PTCHD4: variants seen among roughly 807,000 people sequenced by gnomAD.
PTCHD4 encodes patched domain-containing protein 4.
PTCHD4 carries 33 observed loss-of-function variants against 58.1 expected under a neutral mutation model. The ratio of observed to expected loss-of-function variants is 0.57; its 90% CI spans 0.43 to 0.76. The LOEUF (loss-of-function observed/expected upper bound fraction) is 0.76, where lower values mean the gene tolerates loss of function less well. Among genes scored for constraint, PTCHD4 ranks in the 30% least tolerant of loss-of-function variants. PTCHD4 has a pLI of 0.00. For synonymous variants in PTCHD4, 478 were observed against 409.6 expected (o/e 1.17, Z -2.02); for missense variants, 1,058 against 1,027.1 (o/e 1.03, Z -0.41).
At chr6:47,930,934 C>G (rs1765796266) in intron 4 of PTCHD4, among the ~76,000 whole-genome samples, 1 of 152,204 alleles carries the variant, frequency 6.6e-6, no homozygotes, top group African/African-American at 2.4e-5. Flanking sequence ...GCTGGGATTA[C>G]AGGCATCTGC....
chr6:48,061,566 G>C (rs1331960238), intron 3 of PTCHD4, among the ~76,000 whole-genome samples: 1 of 152,134 alleles, frequency 6.6e-6, no homozygotes, highest in Non-Finnish European at 1.5e-5. Flanking sequence ...AATCATCTGG[G>C]GAGCTTGTTG....
intron 4 of PTCHD4, among the ~76,000 whole-genome samples, chr6:47,978,566 T>C (rs543824996): frequency 6.6e-6 from 1 of 152,332 alleles, no homozygotes; most frequent in Admixed American, 6.5e-5. Context: ...AGTTATACGT[T>C]TCTAATTATG....
At chr6:48,057,207 T>A (rs1374554437) in intron 3 of PTCHD4, among the ~76,000 whole-genome samples, 1 of 151,962 alleles carries the variant, frequency 6.6e-6, no homozygotes, top group Non-Finnish European at 1.5e-5. Context: ...TTGTTTTTTT[T>A]TTCTGAGCCC....
intron 4 of PTCHD4, among the ~76,000 whole-genome samples, chr6:47,983,459 A>C (rs757779555): frequency 1.3e-5 from 2 of 152,178 alleles, no homozygotes; most frequent in Non-Finnish European, 2.9e-5. Context: ...TTTTAAAGGC[A>C]TGACATTAAA....
chr6:48,061,475 C>T (rs1285178972), intron 3 of PTCHD4, among the ~76,000 whole-genome samples: 1 of 152,126 alleles, frequency 6.6e-6, no homozygotes, highest in Non-Finnish European at 1.5e-5. Flanking sequence ...TATGAGTCTT[C>T]CAAATCACAT....
At chr6:48,018,233 G>A (rs1762933087) in intron 3 of PTCHD4, among the ~76,000 whole-genome samples, 1 of 152,178 alleles carries the variant, frequency 6.6e-6, no homozygotes, top group Non-Finnish European at 1.5e-5. Flanking sequence ...ACCGCCGGGT[G>A]ACAGAAGACA....
rs1444441884 is a variant in PTCHD4, at chr6:47,875,316, G to T, written c.*2987C>A. Reference sequence around the variant, plus strand: ...GAGGTGCATACAAGCTACCAAAAAAGGTTGGGATTGGGGGTGACCTGCAAG... The same window carrying T: ...GAGGTGCATACAAGCTACCAAAAAATGTTGGGATTGGGGGTGACCTGCAAG... On this transcript the variant is annotated 3_prime_UTR_variant, in exon 5 of 5. Transcript: ENST00000339488. Among the ~76,000 whole-genome samples the T allele has an allele frequency of 6.6e-6, 1 of 151,722 alleles. No homozygotes were observed. Among genetic ancestry groups the T allele is most frequent in the Non-Finnish European group, 1.5e-5 (1 of 67,848 alleles).
At chr6:47,910,225 A>G (rs1225724820) in intron 4 of PTCHD4, among the ~76,000 whole-genome samples, 1 of 152,098 alleles carries the variant, frequency 6.6e-6, no homozygotes, top group Admixed American at 6.5e-5. Context: ...TTATGATATG[A>G]TGGATCAGCA....
At chr6:48,097,755 A>G (rs1765504944) in intron 1 of PTCHD4, among the ~76,000 whole-genome samples, 1 of 152,246 alleles carries the variant, frequency 6.6e-6, no homozygotes, top group Admixed American at 6.5e-5. Flanking sequence ...AGAGAGATAT[A>G]GTACAGTTTA....
intron 4 of PTCHD4, among the ~76,000 whole-genome samples, chr6:47,896,253 A>T (rs1388175836): frequency 1.3e-5 from 2 of 152,218 alleles, no homozygotes; most frequent in Non-Finnish European, 2.9e-5. Flanking sequence ...TCTGTGACAA[A>T]TGTGGTCCAG....
At chr6:47,919,911 G>A (rs1712187513) in intron 4 of PTCHD4, among the ~76,000 whole-genome samples, 1 of 152,076 alleles carries the variant, frequency 6.6e-6, no homozygotes, top group African/African-American at 2.4e-5. Flanking sequence ...TCTGGCCAGT[G>A]GAATGTGGGT....
At chr6:47,987,193 G>A (rs1273030520) in intron 4 of PTCHD4, among the ~76,000 whole-genome samples, 3 of 142,468 alleles carry the variant, frequency 2.1e-5, no homozygotes, top group Non-Finnish European at 4.5e-5. Flanking sequence ...ACATACACAT[G>A]CATATTTGAA....
At position 48,069,188 on chromosome 6, in the gene PTCHD4, G is replaced by T. The variant is rs1205303713; in HGVS notation, c.-231C>A. ...AGAGGAGGGAGAAGGGCGGGAGCACGTTGGGGGTGGGGGGGCAGATAAGCT... is the reference window on the plus strand; with the variant it reads ...AGAGGAGGGAGAAGGGCGGGAGCACTTTGGGGGTGGGGGGGCAGATAAGCT... On this transcript the variant is annotated 5_prime_UTR_variant, in exon 2 of 5. Coordinates refer to ENST00000339488, the MANE Select transcript of PTCHD4 (RefSeq NM_001384253.1). 9.8e-6 allele frequency among the ~76,000 whole-genome samples: 1 copy of T among 101,622 alleles called. No homozygotes were observed. Among genetic ancestry groups the T allele is most frequent in the Non-Finnish European group, 2.0e-5 (1 of 50,402 alleles). 66.7% of individuals were successfully genotyped at this position (101,622 alleles called of 152,430 possible).
intron 4 of PTCHD4, among the ~76,000 whole-genome samples, chr6:47,974,914 T>G (rs916069617): frequency 6.6e-6 from 1 of 152,214 alleles, no homozygotes; most frequent in Non-Finnish European, 1.5e-5. Flanking sequence ...TATAGCAGCA[T>G]CATCATCATT....
intron 3 of PTCHD4, among the ~76,000 whole-genome samples, chr6:48,030,153 T>C (rs537767555): frequency 2.7e-4 from 41 of 152,242 alleles, no homozygotes; most frequent in African/African-American, 9.4e-4. Context: ...AAGGTCTATG[T>C]AGTCAATGAC....
At chr6:47,944,502 G>T (rs1301654488) in intron 4 of PTCHD4, among the ~76,000 whole-genome samples, 2 of 152,018 alleles carry the variant, frequency 1.3e-5, no homozygotes, top group Non-Finnish European at 2.9e-5. Flanking sequence ...TATAGTCCAA[G>T]TGACTCATTA....
At chr6:48,070,626 G>A (rs1290090324) in intron 1 of PTCHD4, among the ~76,000 whole-genome samples, 1 of 152,174 alleles carries the variant, frequency 6.6e-6, no homozygotes, top group Non-Finnish European at 1.5e-5. Flanking sequence ...TTCTCCATCT[G>A]GCCCATGCTA....
rs908682780 is a variant in PTCHD4, at chr6:48,008,854, G to T, written c.678C>A (p.Thr226=). The change falls in exon 4 of 5, where the codon ACC becomes ACA. Residue 226 remains threonine (T), a synonymous_variant. Transcript: ENST00000339488. ...SFSLWRDFHK[T]SILARSKVLV... is the part of the protein sequence containing the mutation. ...GGACCTTGCTTCTGGCCAGGATGCT[G>T]GTCTTATGAAAGTCCCTCCAGAGGC... The T allele has an allele frequency of 3.7e-6, 6 of 1,613,870 alleles. No individual in the cohort carries two copies. The highest frequency in any genetic ancestry group is 5.1e-6 in the Non-Finnish European group (6 of 1,179,902).
chr6:48,103,446 C>T (rs1318442700), intron 1 of PTCHD4, among the ~76,000 whole-genome samples: 3 of 152,254 alleles, frequency 2.0e-5, no homozygotes, highest in East Asian at 3.9e-4. Flanking sequence ...ACCAAAAATC[C>T]ATCTGTACGT....
Sources: allele counts gnomAD v4.1 joint callset (sites outside exome capture counted in the v4.1 genomes callset), GRCh38; gene constraint gnomAD v4.1.1; transcripts MANE v1.5; gene names NCBI Gene and HGNC (gene_info 2026-07-23, HGNC 2026-07-21).